SOX5: variants seen among roughly 807,000 people sequenced by gnomAD.
The protein encoded by SOX5 is SRY-box transcription factor 5.
Under a neutral mutation model 92.0 loss-of-function variants are expected in SOX5, and 9 were observed. That is an observed-to-expected ratio of 0.10 (90% CI 0.06 to 0.17). The LOEUF is 0.17. Among genes scored for constraint, SOX5 ranks in the 10% least tolerant of loss-of-function variants. The pLI, the probability that SOX5 is intolerant of heterozygous loss-of-function variation, is 1.00. For missense variants in SOX5, 642 were observed against 944.5 expected (o/e 0.68, Z 4.20); for synonymous variants, 344 against 336.3 (o/e 1.02, Z -0.25).
chr12:24,460,395 C>T (rs1021082842), intron 1 of SOX5, among the ~76,000 whole-genome samples: 2 of 152,172 alleles, frequency 1.3e-5, no homozygotes, highest in Non-Finnish European at 2.9e-5. Context: ...TTTCTAAAAG[C>T]TTACACTAGA....
At chr12:23,714,647 C>A (rs1282258924) in intron 6 of SOX5, among the ~76,000 whole-genome samples, 1 of 151,434 alleles carries the variant, frequency 6.6e-6, no homozygotes, top group Non-Finnish European at 1.5e-5. Flanking sequence ...ACAAAAAAAA[C>A]CCACAACAGT....
At chr12:23,858,364 A>G (rs2096718427) in intron 2 of SOX5, among the ~76,000 whole-genome samples, 1 of 152,150 alleles carries the variant, frequency 6.6e-6, no homozygotes, top group Non-Finnish European at 1.5e-5. Flanking sequence ...AAACAGCCCT[A>G]TTTAAAATTG....
intron 1 of SOX5, among the ~76,000 whole-genome samples, chr12:24,557,174 G>T (rs969073840): frequency 6.6e-6 from 1 of 152,036 alleles, no homozygotes. Flanking sequence ...AGGATCACGA[G>T]GTCAGGAGAT....
At chr12:24,321,970 A>G (rs565059416) in intron 2 of SOX5, among the ~76,000 whole-genome samples, 1 of 152,116 alleles carries the variant, frequency 6.6e-6, no homozygotes, top group South Asian at 2.1e-4. Flanking sequence ...CAGGACCTTT[A>G]TTTTCTCCTT....
chr12:23,789,982 C>T (rs901407144), intron 3 of SOX5, among the ~76,000 whole-genome samples: 2 of 152,116 alleles, frequency 1.3e-5, no homozygotes, highest in African/African-American at 2.4e-5. Flanking sequence ...TGGTAAATAT[C>T]ACAGAATGCT....
intron 3 of SOX5, among the ~76,000 whole-genome samples, chr12:23,822,255 C>T (rs2096134654): frequency 1.3e-5 from 2 of 152,194 alleles, no homozygotes; most frequent in South Asian, 4.1e-4. Context: ...CTCCTGTGGG[C>T]ATTTAGTGCT....
intron 4 of SOX5, among the ~76,000 whole-genome samples, chr12:24,002,913 C>A (rs570551015): frequency 7.6e-5 from 10 of 131,134 alleles, no homozygotes; most frequent in African/African-American, 2.6e-4. Context: ...TGTATATAGA[C>A]ACAAAAATTT....
intron 2 of SOX5, among the ~76,000 whole-genome samples, chr12:23,885,446 A>T (rs1181500878): frequency 1.3e-5 from 2 of 152,212 alleles, no homozygotes; most frequent in African/African-American, 4.8e-5. Flanking sequence ...TAATTGTTTT[A>T]TCTCAAGACA....
At chr12:24,052,205 T>C (rs935390523) in intron 4 of SOX5, among the ~76,000 whole-genome samples, 2 of 152,092 alleles carry the variant, frequency 1.3e-5, no homozygotes, top group Non-Finnish European at 2.9e-5. Flanking sequence ...ACCCAGAGAA[T>C]AGGAATCAAA....
intron 3 of SOX5, among the ~76,000 whole-genome samples, chr12:23,757,631 G>A (rs775333685): frequency 2.6e-5 from 4 of 151,772 alleles, no homozygotes; most frequent in Non-Finnish European, 4.4e-5. Context: ...CAGCCAATAC[G>A]GTATTTGCAA....
At chr12:23,961,298 C>T (rs1252068284) in intron 4 of SOX5, among the ~76,000 whole-genome samples, 1 of 152,066 alleles carries the variant, frequency 6.6e-6, no homozygotes, top group African/African-American at 2.4e-5. Context: ...TTGTATAACT[C>T]AAGTTTGGGA....
intron 4 of SOX5, among the ~76,000 whole-genome samples, chr12:24,054,077 C>T (rs1246692465): frequency 6.6e-6 from 1 of 152,194 alleles, no homozygotes; most frequent in Non-Finnish European, 1.5e-5. Flanking sequence ...CAACTCTTTA[C>T]TGTATTTGAA....
intron 8 of SOX5, among the ~76,000 whole-genome samples, chr12:23,626,565 C>T (rs1013337468): frequency 3.4e-4 from 51 of 151,844 alleles, no homozygotes; most frequent in Non-Finnish European, 5.6e-4. Context: ...CCCATTTTTT[C>T]CTTGATAGCA....
At chr12:23,868,935 T>G (rs1468377017) in intron 2 of SOX5, among the ~76,000 whole-genome samples, 1 of 152,154 alleles carries the variant, frequency 6.6e-6, no homozygotes, top group Non-Finnish European at 1.5e-5. Context: ...TAATTTTTGA[T>G]AGCATTCAAG....
In SOX5 at chr12:24,118,035, A is replaced by G. The variant is rs531214226; in HGVS notation, c.-2+95308T>C. On this transcript the variant is annotated intron_variant, in intron 4 of 4. Transcript: ENST00000446891. ...CTCTCATTCAAAAAAAAAAAAAAAA[A>G]AAAGAAAAAAAAAATCTGTCTCACA... is the stretch of plus-strand genomic sequence containing the variant. Among the ~76,000 whole-genome samples, 262 of 147,628 alleles carry G rather than the reference A, an allele frequency of 1.8e-3. 1 individual carries two copies. The highest frequency in any genetic ancestry group is 2.6e-3 in the Non-Finnish European group (173 of 67,714).
At chr12:24,086,766 T>C (rs375535028) in intron 4 of SOX5, among the ~76,000 whole-genome samples, 40 of 152,158 alleles carry the variant, frequency 2.6e-4, no homozygotes, top group African/African-American at 9.4e-4. Flanking sequence ...CTATTTTCTT[T>C]CTTTACATTA....
At chr12:24,018,192 G>A (rs1458144077) in intron 4 of SOX5, among the ~76,000 whole-genome samples, 1 of 152,052 alleles carries the variant, frequency 6.6e-6, no homozygotes, top group Non-Finnish European at 1.5e-5. Context: ...CCATTTCACA[G>A]CCTCTTCTAA....
At chr12:24,035,903 C>A (rs891611762) in intron 4 of SOX5, among the ~76,000 whole-genome samples, 1 of 151,892 alleles carries the variant, frequency 6.6e-6, no homozygotes, top group African/African-American at 2.4e-5. Flanking sequence ...GGGTGATTAT[C>A]CTTCCGAGTT....
At chr12:24,511,544 T>C (rs1282582829) in intron 1 of SOX5, among the ~76,000 whole-genome samples, 1 of 152,242 alleles carries the variant, frequency 6.6e-6, no homozygotes, top group African/African-American at 2.4e-5. Flanking sequence ...TCAATAAACA[T>C]TTACTAAGCA....
Sources: allele counts gnomAD v4.1 joint callset (sites outside exome capture counted in the v4.1 genomes callset), GRCh38; gene constraint gnomAD v4.1.1; transcripts MANE v1.5; gene names NCBI Gene and HGNC (gene_info 2026-07-23, HGNC 2026-07-21).